EP300: variants seen among roughly 807,000 people sequenced by gnomAD.
The protein encoded by EP300 is EP300 lysine acetyltransferase, also known as histone acetyltransferase p300.
A neutral mutation model predicts 264.0 loss-of-function variants in EP300; 31 were observed. That is an observed-to-expected ratio of 0.12 (90% CI 0.09 to 0.16). The LOEUF (loss-of-function observed/expected upper bound fraction) is 0.16. Ranked by LOEUF, EP300 falls within the 10% of genes least tolerant of loss-of-function variation. The pLI is 1.00. For missense variants in EP300, 2,766 were observed against 3,052.9 expected (o/e 0.91, Z 2.21); for synonymous variants, 1,340 against 1,045.4 (o/e 1.28, Z -5.44).
intron 1 of EP300, among the ~76,000 whole-genome samples, chr22:41,115,254 A>C (rs1259886389): frequency 6.6e-6 from 1 of 152,164 alleles, no homozygotes; most frequent in Admixed American, 6.5e-5. Flanking sequence ...GACAGTTTTG[A>C]TTGTCACAAT....
intron 1 of EP300, among the ~76,000 whole-genome samples, chr22:41,107,628 C>T (rs1477291594): frequency 6.6e-6 from 1 of 152,092 alleles, no homozygotes; most frequent in Non-Finnish European, 1.5e-5. Context: ...TATAATACTT[C>T]ATTTGTTCAA....
At chr22:41,106,227 G>A (rs1038320816) in intron 1 of EP300, among the ~76,000 whole-genome samples, 1 of 152,124 alleles carries the variant, frequency 6.6e-6, no homozygotes, top group African/African-American at 2.4e-5. Context: ...TGCTTTTTAA[G>A]CATCCATTGT....
At chr22:41,117,163 T>G (rs763642219) in intron 1 of EP300, 24 bp from the exon 2 acceptor site, 1 of 1,609,906 alleles carries the variant, frequency 6.2e-7, no homozygotes, top group East Asian at 2.2e-5. Flanking sequence ...TACTTTGACC[T>G]TTGTCTTTTC....
chr22:41,164,852 A>G (rs5751055), intron 22 of EP300, among the ~76,000 whole-genome samples: 2 of 152,294 alleles, frequency 1.3e-5, no homozygotes, highest in East Asian at 1.9e-4. Context: ...GTCATAGTGT[A>G]ATTGCCTAGT....
Position 41,099,313 on chromosome 22 carries a change from ATGAGCCACCGCG to A in EP300, c.94+6216_94+6227del, listed in dbSNP as rs1277947821. On this transcript the variant is annotated intron_variant, in intron 1 of 30. Transcript: ENST00000263253. ...CTCCCAAAATGTTGGGATTACAGGCATGAGCCACCGCGCCCGGCCTGTTTTTGTTTTTCGTGG... is the reference window on the plus strand; with the variant it reads ...CTCCCAAAATGTTGGGATTACAGGCACCCGGCCTGTTTTTGTTTTTCGTGG... Among the ~76,000 whole-genome samples, 75 of 152,242 alleles carry A rather than the reference ATGAGCCACCGCG, an allele frequency of 4.9e-4. No individual in the cohort carries two copies. The Middle Eastern group carries it at 0.014, about 28-fold the overall frequency.
At chr22:41,106,202 A>G (rs923494630) in intron 1 of EP300, among the ~76,000 whole-genome samples, 2 of 152,190 alleles carry the variant, frequency 1.3e-5, no homozygotes, top group African/African-American at 2.4e-5. Context: ...TAAAAGCTAC[A>G]GTTTTAAAAT....
rs780385307 is a variant in EP300, at chr22:41,172,487, A to G, written c.4453-12A>G. 1.2e-6 allele frequency: 2 copies of G among 1,605,434 alleles called. No individual in the cohort carries two copies. Among genetic ancestry groups the G allele is most frequent in the South Asian group, 1.1e-5 (1 of 90,860 alleles). On this transcript the variant is annotated splice_polypyrimidine_tract_variant and intron_variant, in intron 27 of 30. Coordinates refer to ENST00000263253, the MANE Select transcript of EP300 (RefSeq NM_001429.4). The stretch of plus-strand genomic sequence containing the variant: ...CATAGAAATTCCTATATGTACATGC[A>G]TGTTTTCACAGGATATTTTTAAACA...
chr22:41,107,014 C>T (rs1464330341), intron 1 of EP300, among the ~76,000 whole-genome samples: 1 of 152,104 alleles, frequency 6.6e-6, no homozygotes, highest in African/African-American at 2.4e-5. Flanking sequence ...TCGGGTGATT[C>T]TCAAGCCTCA....
intron 1 of EP300, among the ~76,000 whole-genome samples, chr22:41,103,024 A>G (rs2058740233): frequency 6.6e-6 from 1 of 151,936 alleles, no homozygotes; most frequent in Non-Finnish European, 1.5e-5. Context: ...TAATTTTTGT[A>G]TTTTTAGTAG....
intron 7 of EP300, among the ~76,000 whole-genome samples, chr22:41,136,487 T>G (rs942132318): frequency 3.6e-4 from 54 of 151,868 alleles, no homozygotes; most frequent in African/African-American, 1.2e-3. Flanking sequence ...TCAAGACGTC[T>G]TCTCTACAAG....
chr22:41,151,245 TGAGA>T (rs1008086143), intron 14 of EP300, among the ~76,000 whole-genome samples: 4 of 152,086 alleles, frequency 2.6e-5, no homozygotes, highest in African/African-American at 9.7e-5. Flanking sequence ...AAGGACAGAA[TGAGA>T]GAGGAACCAG....
At chr22:41,103,335 A>G (rs1165314704) in intron 1 of EP300, among the ~76,000 whole-genome samples, 1 of 152,156 alleles carries the variant, frequency 6.6e-6, no homozygotes, top group Non-Finnish European at 1.5e-5. Context: ...GACATTGAAT[A>G]CCTACCAAGT....
rs2145770530 is a variant in EP300 at position 41,172,654 on chromosome 22, A to T, written c.4608A>T (p.Glu1536Asp). Residue 1536 changes from glutamate (E) to aspartate (D), a missense_variant, in exon 28 of 31, where the codon GAA becomes GAT. Transcript: ENST00000263253. ...ERKREENTSNESTDVTKGDSK... is the reference protein window; with the variant it reads ...ERKREENTSNDSTDVTKGDSK... ...AACGAGAGGAAAACACCAGCAATGA[A>T]AGCACAGATGTAAGGGCATTGAGTT... 2 of 1,613,018 alleles carry T rather than the reference A, an allele frequency of 1.2e-6. No homozygotes were observed. Among genetic ancestry groups the T allele is most frequent in the Non-Finnish European group, 8.5e-7 (1 of 1,179,312 alleles).
At chr22:41,108,830 A>C (rs1450415148) in intron 1 of EP300, among the ~76,000 whole-genome samples, 1 of 152,216 alleles carries the variant, frequency 6.6e-6, no homozygotes, top group East Asian at 1.9e-4. Flanking sequence ...CCTTCATTTC[A>C]ACAGTCATTT....
chr22:41,153,955 A>G (rs538942530), intron 16 of EP300, among the ~76,000 whole-genome samples: 1 of 152,292 alleles, frequency 6.6e-6, no homozygotes, highest in Admixed American at 6.5e-5. Context: ...AAGAAAAAAT[A>G]AGGCCCTTGC....
At chr22:41,162,638 G>A (rs528592386) in intron 20 of EP300, 85 bp from the exon 21 acceptor site, 20 of 1,051,758 alleles carry the variant, frequency 1.9e-5, no homozygotes, top group Non-Finnish European at 2.8e-5. Flanking sequence ...TCTATATAGG[G>A]TGAAGTTTGT....
intron 12 of EP300, 81 bp downstream of exon 12, chr22:41,148,027 T>A: frequency 1.0e-6 from 1 of 972,322 alleles, no homozygotes; most frequent in Non-Finnish European, 1.6e-6. Flanking sequence ...TTATAAATTC[T>A]CACAGTCATT....
chr22:41,166,387 C>G (rs1007595969), intron 22 of EP300, among the ~76,000 whole-genome samples: 8 of 151,924 alleles, frequency 5.3e-5, no homozygotes, highest in African/African-American at 1.9e-4. Flanking sequence ...ATTTATATGC[C>G]CTTCATGTTT....
intron 9 of EP300, among the ~76,000 whole-genome samples, chr22:41,140,663 G>A (rs915550874): frequency 6.6e-6 from 1 of 152,086 alleles, no homozygotes; most frequent in Admixed American, 6.6e-5. Context: ...GCCAGGCATG[G>A]TGGCACGTGC....
Sources: allele counts gnomAD v4.1 joint callset (sites outside exome capture counted in the v4.1 genomes callset), GRCh38; gene constraint gnomAD v4.1.1; transcripts MANE v1.5; gene names NCBI Gene and HGNC (gene_info 2026-07-23, HGNC 2026-07-21).